The following COL15A1 variants were observed in gnomAD, a reference collection of about 807,000 sequenced individuals.
COL15A1 encodes collagen alpha-1(XV) chain.
A neutral mutation model predicts 165.9 loss-of-function variants in COL15A1; 111 were observed. The ratio of observed to expected loss-of-function variants is 0.67; its 90% confidence interval spans 0.57 to 0.78. The LOEUF is 0.78. Ranked by LOEUF, COL15A1 falls within the 30% of genes least tolerant of loss-of-function variation. COL15A1 has a pLI of 0.00. For missense variants in COL15A1, 1,745 were observed against 1,789.7 expected (o/e 0.98, Z 0.45); for synonymous variants, 659 against 674.8 (o/e 0.98, Z 0.36).
chr9:99,040,217 A>G (rs1839377240), intron 22 of COL15A1, among the ~76,000 whole-genome samples: 5 of 152,226 alleles, frequency 3.3e-5, no homozygotes, highest in Non-Finnish European at 1.5e-5. Flanking sequence ...ATACTGAAGC[A>G]AAACACAGAG....
chr9:99,051,477 C>G (rs911888085), intron 30 of COL15A1, among the ~76,000 whole-genome samples: 6 of 152,212 alleles, frequency 3.9e-5, no homozygotes, highest in African/African-American at 7.2e-5. Context: ...CCTCTTACAG[C>G]CAGCATCTCA....
Position 99,042,127 on chromosome 9 carries a change from C to T in COL15A1, c.2574+20C>T, listed in dbSNP as rs761392012. The T allele has an allele frequency of 6.9e-6, 11 of 1,584,798 alleles. No homozygotes were observed. The highest frequency in any genetic ancestry group is 7.8e-6 in the Non-Finnish European group (9 of 1,159,774). ...GAACAGGTAAGAGGGGCCCAGGTAT[C>T]TGAGTGAGATTGGGCGCTGGAATTT... On this transcript the variant is annotated intron_variant, in intron 24 of 41. Coordinates refer to ENST00000375001, the MANE Select transcript of COL15A1 (RefSeq NM_001855.5).
chr9:98,971,727 G>T (rs1345621480), intron 2 of COL15A1, among the ~76,000 whole-genome samples: 1 of 152,250 alleles, frequency 6.6e-6, no homozygotes, highest in Non-Finnish European at 1.5e-5. Context: ...TGCCAGGACT[G>T]AGGGGTCCGC....
At chr9:99,020,945 C>T (rs922256831) in intron 12 of COL15A1, among the ~76,000 whole-genome samples, 4 of 152,204 alleles carry the variant, frequency 2.6e-5, no homozygotes, top group African/African-American at 9.7e-5. Context: ...GTGATGATGA[C>T]CCTGCGGTGT....
Position 98,985,579 on chromosome 9 carries a change from G to A in COL15A1, c.115G>A (p.Gly39Ser). The change falls in exon 3 of 42, where the codon GGT becomes AGT. Residue 39 changes from glycine to serine, a missense_variant. Physicochemically the swap from Gly to Ser is moderately conservative, Grantham distance 56. Transcript: ENST00000375001. Reference sequence around the variant, plus strand: ...CCTCCCTGCAGAGACTGCTTCCCAGGGTCACCTGGACCTCACGCAGCTCAT... The same window carrying A: ...CCTCCCTGCAGAGACTGCTTCCCAGAGTCACCTGGACCTCACGCAGCTCAT... Reference protein sequence around the residue: ...TRGATETASQGHLDLTQLIGV... With the variant: ...TRGATETASQSHLDLTQLIGV... The A allele has an allele frequency of 1.2e-6, 2 of 1,612,278 alleles. No homozygotes were observed. Among genetic ancestry groups the A allele is most frequent in the Non-Finnish European group, 1.7e-6 (2 of 1,178,498 alleles).
At chr9:99,051,695 G>C (rs74960870) in intron 30 of COL15A1, among the ~76,000 whole-genome samples, 1 of 152,104 alleles carries the variant, frequency 6.6e-6, no homozygotes, top group African/African-American at 2.4e-5. Flanking sequence ...CCCTCCACCC[G>C]TAAGCACAGA....
chr9:99,054,494 T>G, intron 31 of COL15A1, 82 bp from the exon 32 acceptor site: 1 of 1,454,262 alleles, frequency 6.9e-7, no homozygotes, highest in Non-Finnish European at 9.2e-7. Flanking sequence ...TGAGCTTAGT[T>G]TGAAAACCTG....
chr9:98,950,336 C>T (rs1320391053), intron 2 of COL15A1, among the ~76,000 whole-genome samples: 3 of 152,186 alleles, frequency 2.0e-5, no homozygotes, highest in Admixed American at 6.5e-5. Context: ...TGCACATCAT[C>T]GCCAATGCTT....
intron 6 of COL15A1, among the ~76,000 whole-genome samples, chr9:98,998,575 A>G: frequency 6.6e-6 from 1 of 152,140 alleles, no homozygotes; most frequent in Non-Finnish European, 1.5e-5. Flanking sequence ...GTCCTCTGGG[A>G]GCATGAACAA....
At chr9:98,980,628 A>G (rs1051068330) in intron 2 of COL15A1, among the ~76,000 whole-genome samples, 3 of 152,210 alleles carry the variant, frequency 2.0e-5, no homozygotes, top group African/African-American at 7.2e-5. Context: ...CCTGGCCCTG[A>G]GGGCCATGAA....
Position 99,027,243 on chromosome 9 carries a change from C to G in COL15A1, c.2043+1277C>G, listed in dbSNP as rs1304180565. 4.6e-5 allele frequency among the ~76,000 whole-genome samples: 7 copies of G among 152,188 alleles called. 1 individual carries two copies. The South Asian group carries it at 1.2e-3, about 27-fold the overall frequency. On this transcript the variant is annotated intron_variant, in intron 16 of 41. Transcript: ENST00000375001. ...TCTAGAGGAGGAAGAGAGATCTCAG[C>G]TGGGATCAGAAGTGGGGCCTTCTGT...
At chr9:99,038,300 A>G (rs926288995) in intron 21 of COL15A1, among the ~76,000 whole-genome samples, 1 of 152,206 alleles carries the variant, frequency 6.6e-6, no homozygotes. Flanking sequence ...GCCGAGTGAA[A>G]AAAGCAAGTT....
rs563575133 is a variant in COL15A1, at chr9:98,962,033, G to A, written c.100+17783G>A. Among the ~76,000 whole-genome samples, 11 of 152,336 alleles carry A rather than the reference G, an allele frequency of 7.2e-5. No individual in the cohort carries two copies. The South Asian group carries it at 1.2e-3, about 17-fold the overall frequency. On this transcript the variant is annotated intron_variant, in intron 2 of 41. Coordinates refer to ENST00000375001, the MANE Select transcript of COL15A1 (RefSeq NM_001855.5). The stretch of plus-strand genomic sequence containing the variant: ...AAGGTTTCTAACAATTGCTGTCTGC[G>A]GTTAGACTCCAGTCAGTCCTGGCTT...
chr9:99,039,942 AG>A (rs1205499773), intron 22 of COL15A1, among the ~76,000 whole-genome samples: 2 of 152,220 alleles, frequency 1.3e-5, no homozygotes, highest in Non-Finnish European at 2.9e-5. Context: ...ATCCAGATCC[AG>A]GGGAAAATCT....
intron 2 of COL15A1, among the ~76,000 whole-genome samples, chr9:98,946,742 G>A (rs1407591357): frequency 6.6e-6 from 1 of 152,210 alleles, no homozygotes; most frequent in Non-Finnish European, 1.5e-5. Flanking sequence ...TGCCATGAAT[G>A]AGCTCAGTCA....
intron 11 of COL15A1, among the ~76,000 whole-genome samples, chr9:99,019,891 G>A (rs776180714): frequency 6.6e-6 from 1 of 152,120 alleles, no homozygotes; most frequent in Non-Finnish European, 1.5e-5. Context: ...AGGAGTGAGA[G>A]CCTTTGTCTC....
intron 40 of COL15A1, among the ~76,000 whole-genome samples, chr9:99,068,104 C>T (rs927541782): frequency 2.6e-5 from 4 of 152,130 alleles, no homozygotes; most frequent in African/African-American, 9.7e-5. Flanking sequence ...CTTGAGTTTT[C>T]ACTCTGTCCA....
In COL15A1 at chr9:98,950,511, TCCTTC is replaced by T. The variant is rs1235753080; in HGVS notation, c.100+6273_100+6277del. ...TCCTTCCCTCCCTCCCTTCCTTCCT[TCCTTC>T]CCTTCCCTTCCTTCCTTCCCTTCCC... On this transcript the variant is annotated intron_variant, in intron 2 of 41. Transcript: ENST00000375001. 1.9e-4 allele frequency among the ~76,000 whole-genome samples: 22 copies of T among 118,134 alleles called. 1 individual carries two copies. In the South Asian group the frequency reaches 7.3e-3, roughly 39 times the overall value. 77.5% of individuals were successfully genotyped at this position (118,134 alleles called of 152,430 possible).
intron 5 of COL15A1, among the ~76,000 whole-genome samples, chr9:98,990,951 G>A (rs565383202): frequency 6.6e-6 from 1 of 152,094 alleles, no homozygotes; most frequent in Admixed American, 6.5e-5. Flanking sequence ...TCTTCCTTCT[G>A]GTGGGTTCCT....
Sources: gnomAD v4.1 joint callset for allele counts (sites outside exome capture counted in the v4.1 genomes callset) on GRCh38, gnomAD v4.1.1 for gene constraint, MANE v1.5 for transcripts, NCBI Gene and HGNC (gene_info 2026-07-23, HGNC 2026-07-21) for gene names.